Variants in SALL1 observed in about 807,000 individuals in gnomAD.
SALL1 encodes the protein spalt like transcription factor 1, also known as sal-like protein 1.
SALL1 carries 10 observed loss-of-function variants against 73.1 expected under a neutral mutation model. The observed-to-expected ratio is 0.14, with a 90% confidence interval of 0.08 to 0.23. The LOEUF (loss-of-function observed/expected upper bound fraction) is 0.23. Ranked by LOEUF, SALL1 falls within the 10% of genes least tolerant of loss-of-function variation. The probability of loss-of-function intolerance (pLI) is 1.00; values close to 1 mark genes in which losing one functional copy is unlikely to be tolerated. For synonymous variants in SALL1, 688 were observed against 689.8 expected (o/e 1.00, Z 0.04); for missense variants, 1,520 against 1,697.3 (o/e 0.90, Z 1.84).
In SALL1 at chr16:51,136,309, G is replaced by A. The variant is rs1962296622; in HGVS notation, c.*803C>T. The A allele has an allele frequency of 6.6e-6, 1 of 152,662 alleles. No individual in the cohort carries two copies. Among genetic ancestry groups the A allele is most frequent in the African/African-American group, 2.4e-5 (1 of 41,456 alleles). The allele number at this position is 152,662 out of a possible 1,614,324, so 9.5% of individuals were successfully genotyped here. On this transcript the variant is annotated 3_prime_UTR_variant, in exon 3 of 3. Coordinates refer to ENST00000251020, the MANE Select transcript of SALL1 (RefSeq NM_002968.3). ...GTTGTTCAAGATGCTATACTTAGCA[G>A]CATTGTGAAATTCCAGCACACATTT...
chr16:51,149,278 G>C (rs1248512810), intron 1 of SALL1: 1 of 151,786 alleles, frequency 6.6e-6, no homozygotes, highest in Non-Finnish European at 1.5e-5. Context: ...TTTAAATGTA[G>C]AAAACCAGTA....
chr16:51,144,775 T>C (rs932952330), intron 1 of SALL1, among the ~76,000 whole-genome samples: 2 of 152,204 alleles, frequency 1.3e-5, no homozygotes, highest in African/African-American at 4.8e-5. Flanking sequence ...CTAAACATTT[T>C]TATATTTAGG....
At chr16:51,151,936 G>T (rs1962624738), upstream of SALL1, among the ~76,000 whole-genome samples, 1 of 151,686 alleles carries the variant, frequency 6.6e-6, no homozygotes, top group South Asian at 2.1e-4. Context: ...CGGGATCAGG[G>T]GGGAGGGCGT....
rs2143449540 is a variant in SALL1 at position 51,141,493 on chromosome 16, C to T, written c.729G>A (p.Gln243=). The part of the protein sequence containing the change: ...LLALQQQQIH[Q]LQLIEQIRHQ... Reference sequence around the variant, plus strand: ...GACGAATCTGTTCGATCAATTGCAGCTGGTGGATCTGCTGCTGCTGCAGAG... The same window carrying T: ...GACGAATCTGTTCGATCAATTGCAGTTGGTGGATCTGCTGCTGCTGCAGAG... Residue 243 remains glutamine (Q), a synonymous_variant, in exon 2 of 3, where the codon CAG becomes CAA. Coordinates refer to ENST00000251020, the MANE Select transcript of SALL1 (RefSeq NM_002968.3). The surrounding 1 kb of genome is among the most constrained non-coding windows in gnomAD (Gnocchi z 5.4). 2 of 1,614,176 alleles carry T rather than the reference C, an allele frequency of 1.2e-6. No homozygotes were observed. The highest frequency in any genetic ancestry group is 1.7e-6 in the Non-Finnish European group (2 of 1,180,042).
At chr16:51,152,307 T>G (rs967355248), upstream of SALL1, 1 of 152,342 alleles carries the variant, frequency 6.6e-6, no homozygotes. Flanking sequence ...CCTCGGACAT[T>G]CCCAGGACAA....
At position 51,141,381 on chromosome 16, in the gene SALL1, G is replaced by A. The variant is rs1382089206; in HGVS notation, c.841C>T (p.Pro281Ser). The change falls in exon 2 of 3, where the codon CCC becomes TCC. Residue 281 changes from proline (P) to serine (S), a missense_variant. Physicochemically the swap from Pro to Ser is moderately conservative, Grantham distance 74. This residue lies in a region of SALL1 where 540 missense variants were observed against 567.5 expected (regional missense o/e 0.95). Coordinates refer to ENST00000251020, the MANE Select transcript of SALL1 (RefSeq NM_002968.3). This position sits in a 1 kb window ranked among gnomAD's most constrained non-coding sequence, Gnocchi z 5.4. ...SQGTLRTSAN[P>S]LSTLSSHLSQ... is the part of the protein sequence containing the mutation. ...AAATGGGAACTTAGCGTGGACAAGG[G>A]GTTGGCAGATGTTCGTAAAGTACCT... The A allele has an allele frequency of 6.2e-7, 1 of 1,613,860 alleles. No individual in the cohort carries two copies. Among genetic ancestry groups the A allele is most frequent in the Non-Finnish European group, 8.5e-7 (1 of 1,180,024 alleles).
rs774473806 is a variant in SALL1, at chr16:51,137,067, G to T, written c.*45C>A. The stretch of plus-strand genomic sequence containing the variant: ...AAGGAGTAGGAGGCCACCATAGGTC[G>T]CATTCTGAACAGGAATGAATGCTAT... On this transcript the variant is annotated 3_prime_UTR_variant, in exon 3 of 3. Coordinates refer to ENST00000251020, the MANE Select transcript of SALL1 (RefSeq NM_002968.3). 1 of 1,596,510 alleles carries T rather than the reference G, an allele frequency of 6.3e-7. No individual in the cohort carries two copies. Among genetic ancestry groups the T allele is most frequent in the Non-Finnish European group, 8.6e-7 (1 of 1,165,618 alleles).
Position 51,140,692 on chromosome 16 carries a change from G to C in SALL1, c.1530C>G (p.Pro510=), listed in dbSNP as rs1213448879. ...TGTCCAAATGCTCAGGCACAGGATA[G>C]GGGTTCATCTGGATATGAGGGTATT... ...KEKYPHIQMN[P]YPVPEHLDNI... is the part of the protein sequence containing the mutation. Residue 510 remains proline (P), a synonymous_variant, in exon 2 of 3, where the codon CCC becomes CCG. Transcript: ENST00000251020. This position sits in a 1 kb window ranked among gnomAD's most constrained non-coding sequence, Gnocchi z 5.7. The C allele has an allele frequency of 6.2e-7, 1 of 1,614,088 alleles. No individual in the cohort carries two copies. The highest frequency in any genetic ancestry group is 1.3e-5 in the African/African-American group (1 of 74,934).
chr16:51,137,058 C>T lies in SALL1; in HGVS notation c.*54G>A. The T allele has an allele frequency of 1.9e-6, 3 of 1,580,680 alleles. No individual in the cohort carries two copies. Among genetic ancestry groups the T allele is most frequent in the Non-Finnish European group, 2.6e-6 (3 of 1,152,894 alleles). ...GTGGGGGGCAAGGAGTAGGAGGCCA[C>T]CATAGGTCGCATTCTGAACAGGAAT... On this transcript the variant is annotated 3_prime_UTR_variant, in exon 3 of 3. Coordinates refer to ENST00000251020, the MANE Select transcript of SALL1 (RefSeq NM_002968.3).
chr16:51,139,601 T>A lies in SALL1; in HGVS notation c.2621A>T (p.Asn874Ile). The stretch of plus-strand genomic sequence containing the variant: ...CTGTAGCTGCTCTGCCAGGCCAGCA[T>A]TGATCATCTTCATCTGATTTTCCAA... ...AALENQMKMI[N>I]AGLAEQLQAS... Residue 874 changes from asparagine (N) to isoleucine (I), a missense_variant, in exon 2 of 3, where the codon AAT (asparagine) becomes ATT (isoleucine). Around this residue, in one of 7 missense-constraint regions of SALL1, gnomAD observed 266 missense variants for 275.1 expected, o/e 0.97. Transcript: ENST00000251020. The A allele has an allele frequency of 6.2e-7, 1 of 1,613,882 alleles. No individual in the cohort carries two copies. The highest frequency in any genetic ancestry group is 8.5e-7 in the Non-Finnish European group (1 of 1,179,734).
In SALL1 at chr16:51,138,696, T is replaced by C; in HGVS notation, c.3526A>G (p.Asn1176Asp). Residue 1176 changes from asparagine to aspartate, a missense_variant, in exon 2 of 3, where the codon AAT becomes GAT. Asn to Asp is a conservative substitution (Grantham distance 23). Transcript: ENST00000251020. ...CAGAGAGAGCAAGGTACCTTAAGAT[T>C]GCCTTTAGTCGTGAAAGCTCTTCCA... ...ICGRAFTTKGNLKVHMGTHMW... is the reference protein window; with the variant it reads ...ICGRAFTTKGDLKVHMGTHMW... The C allele has an allele frequency of 6.2e-7, 1 of 1,612,772 alleles. No homozygotes were observed. The highest frequency in any genetic ancestry group is 8.5e-7 in the Non-Finnish European group (1 of 1,179,028).
At position 51,139,017 on chromosome 16, in the gene SALL1, G is replaced by A. The variant is rs1414317608; in HGVS notation, c.3205C>T (p.Pro1069Ser). 1.2e-6 allele frequency: 2 copies of A among 1,614,022 alleles called. No individual in the cohort carries two copies. Among genetic ancestry groups the A allele is most frequent in the East Asian group, 2.2e-5 (1 of 44,886 alleles). Reference protein sequence around the residue: ...QLFEPSSNLGPNQNSAVIPAN... With the variant: ...QLFEPSSNLGSNQNSAVIPAN... ...GGAATCACCGCTGAGTTCTGATTGG[G>A]GCCAAGGTTGGAACTGGGCTCAAAG... The change falls in exon 2 of 3, where the codon CCC becomes TCC. Residue 1069 changes from proline to serine, a missense_variant. By Grantham distance (74) the Pro-to-Ser change is moderately conservative. Transcript: ENST00000251020.
Position 51,137,612 on chromosome 16 carries a change from G to C in SALL1, c.3535-60C>G, listed in dbSNP as rs564835564. 3.7e-6 allele frequency: 5 copies of C among 1,363,380 alleles called. No homozygotes were observed. In the South Asian group the frequency reaches 4.8e-5, roughly 13 times the overall value. The allele number at this position is 1,363,380 out of a possible 1,614,324, so 84.5% of individuals were successfully genotyped here. A position where few individuals can be genotyped will look rare whatever the true frequency, so the allele number is the denominator to read the frequency against. On this transcript the variant is annotated intron_variant, in intron 2 of 2. Transcript: ENST00000251020. ...AGAGAGAGAGAAAAAAAAGAGGAGG[G>C]GGAGAGAAGCTTAATAGCTGAATCT...
Position 51,138,161 on chromosome 16 carries a change from C to T in SALL1, c.3534+527G>A, listed in dbSNP as rs181464837. 3.9e-3 allele frequency among the ~76,000 whole-genome samples: 601 copies of T among 152,312 alleles called. 5 individuals are homozygous for T. Among genetic ancestry groups the T allele is most frequent in the Non-Finnish European group, 4.2e-3 (289 of 68,024 alleles). On this transcript the variant is annotated intron_variant, in intron 2 of 2. Transcript: ENST00000251020. The stretch of plus-strand genomic sequence containing the variant: ...AAGCATATTTGCTTTATTTCCAACA[C>T]ATATCAGTAGGAAATGCTGTATAAT...
chr16:51,140,978 T>A lies in SALL1; in HGVS notation c.1244A>T (p.Asp415Val), dbSNP rs1314020183. ...PLPNIGTTAE[D>V]LNSLSALAQQ... ...GGCCAAGGCAGACAAGGAGTTTAAA[T>A]CCTCTGCAGTTGTTCCGATGTTGGG... The change falls in exon 2 of 3, where the codon GAT becomes GTT. Residue 415 changes from aspartate (D) to valine (V), a missense_variant. Asp to Val is a radical substitution (Grantham distance 152). Transcript: ENST00000251020. This position sits in a 1 kb window ranked among gnomAD's most constrained non-coding sequence, Gnocchi z 5.7. The A allele has an allele frequency of 6.2e-7, 1 of 1,614,212 alleles. No homozygotes were observed. Among genetic ancestry groups the A allele is most frequent in the South Asian group, 1.1e-5 (1 of 91,084 alleles).
upstream of SALL1, among the ~76,000 whole-genome samples, chr16:51,151,847 A>C (rs1597237810): frequency 6.8e-6 from 1 of 146,496 alleles, no homozygotes. Flanking sequence ...AGGGCTGGGG[A>C]CCCGGGCTGC....
In SALL1 at chr16:51,140,285, G is replaced by T; in HGVS notation, c.1937C>A (p.Ala646Glu). Reference protein sequence around the residue: ...TASSSVLSSPAADCGPAGSAT... With the variant: ...TASSSVLSSPEADCGPAGSAT... The stretch of plus-strand genomic sequence containing the variant: ...ACTGCCCGCGGGGCCGCAGTCTGCC[G>T]CTGGGGAGCTCAGGACGCTACTGCT... The change falls in exon 2 of 3, where the codon GCG (alanine) becomes GAG (glutamate). Residue 646 changes from alanine (A) to glutamate (E), a missense_variant. Coordinates refer to ENST00000251020, the MANE Select transcript of SALL1 (RefSeq NM_002968.3). This position sits in a 1 kb window ranked among gnomAD's most constrained non-coding sequence, Gnocchi z 5.7. 6.2e-7 allele frequency: 1 copy of T among 1,614,112 alleles called. No homozygotes were observed. Among genetic ancestry groups the T allele is most frequent in the Non-Finnish European group, 8.5e-7 (1 of 1,180,040 alleles).
intron 1 of SALL1, chr16:51,143,238 T>A: frequency 3.7e-6 from 1 of 268,214 alleles, no homozygotes; most frequent in South Asian, 3.1e-5. Context: ...CATGTTTGTT[T>A]CCATTGGTTG....
At chr16:51,146,381 G>T (rs1393556132) in intron 1 of SALL1, among the ~76,000 whole-genome samples, 1 of 152,176 alleles carries the variant, frequency 6.6e-6, no homozygotes, top group East Asian at 1.9e-4. Flanking sequence ...GGTTCCAGTT[G>T]CAAGGGTTTG....
Sources: gnomAD v4.1 joint callset for allele counts (sites outside exome capture counted in the v4.1 genomes callset) on GRCh38, gnomAD v4.1.1 for gene constraint, gnomAD v4.1.1 regional missense constraint, Gnocchi (gnomAD v3.1) non-coding constraint, MANE v1.5 for transcripts, NCBI Gene and HGNC (gene_info 2026-07-23, HGNC 2026-07-21) for gene names.